Variants in KCNIP4 observed in about 807,000 individuals in gnomAD.
The protein encoded by KCNIP4 is Kv channel-interacting protein 4.
KCNIP4 carries 12 observed loss-of-function variants against 34.0 expected under a neutral mutation model. That is an observed-to-expected ratio of 0.35 (90% CI 0.23 to 0.57). The LOEUF (loss-of-function observed/expected upper bound fraction) is 0.57, where lower values mean the gene tolerates loss of function less well. Ranked by LOEUF, KCNIP4 falls within the 20% of genes least tolerant of loss-of-function variation. The pLI is 0.83. For missense variants in KCNIP4, 238 were observed against 311.7 expected, an observed-to-expected ratio of 0.76 and a Z score of 1.78; for synonymous variants, 124 against 102.2, an observed-to-expected ratio of 1.21 and a Z score of -1.29.
At chr4:21,397,777 C>T (rs1560366200) in intron 1 of KCNIP4, among the ~76,000 whole-genome samples, 1 of 152,112 alleles carries the variant, frequency 6.6e-6, no homozygotes, top group Admixed American at 6.6e-5. Context: ...GACTATAAGT[C>T]AATAAATAAG....
At chr4:20,969,681 A>G (rs991682128) in intron 1 of KCNIP4, among the ~76,000 whole-genome samples, 2 of 152,164 alleles carry the variant, frequency 1.3e-5, no homozygotes, top group Non-Finnish European at 2.9e-5. Flanking sequence ...CACACAGATA[A>G]TTCATTACAT....
At chr4:21,112,087 A>C (rs948596195) in intron 1 of KCNIP4, among the ~76,000 whole-genome samples, 1 of 151,724 alleles carries the variant, frequency 6.6e-6, no homozygotes, top group Non-Finnish European at 1.5e-5. Flanking sequence ...TATATCATCT[A>C]TCTATCTACC....
chr4:21,832,105 T>C (rs1277900699), intron 1 of KCNIP4, among the ~76,000 whole-genome samples: 2 of 152,146 alleles, frequency 1.3e-5, no homozygotes, highest in African/African-American at 4.8e-5. Context: ...TCAATAAATG[T>C]GATATACCAC....
chr4:20,731,217 G>A lies in KCNIP4; in HGVS notation c.705+789C>T, dbSNP rs117210520. 2.2e-3 allele frequency: 392 copies of A among 177,292 alleles called. 9 individuals carry two copies. In the South Asian group the frequency reaches 0.045, roughly 20 times the overall value. 11.0% of individuals were successfully genotyped at this position (177,292 alleles called of 1,614,324 possible). Reference sequence around the variant, plus strand: ...CCCAAGTAGCTGAGACTTCAGCCACGTGCCACCGTGCCCAGCTAACTTAAT... The same window carrying A: ...CCCAAGTAGCTGAGACTTCAGCCACATGCCACCGTGCCCAGCTAACTTAAT... On this transcript the variant is annotated intron_variant, in intron 8 of 8. Transcript: ENST00000382152.
At chr4:21,613,436 A>T (rs1744320574) in intron 1 of KCNIP4, 1 of 152,240 alleles carries the variant, frequency 6.6e-6, no homozygotes, top group Admixed American at 6.5e-5. Flanking sequence ...AACTGGCCAT[A>T]TAAATGAACT....
intron 1 of KCNIP4, among the ~76,000 whole-genome samples, chr4:21,701,782 C>A (rs1012225119): frequency 1.3e-5 from 2 of 152,030 alleles, no homozygotes; most frequent in African/African-American, 2.4e-5. Flanking sequence ...TGGCTCACTG[C>A]AACCTCTACC....
intron 1 of KCNIP4, among the ~76,000 whole-genome samples, chr4:21,742,745 G>T (rs193279588): frequency 6.6e-6 from 1 of 152,074 alleles, no homozygotes; most frequent in Admixed American, 6.6e-5. Flanking sequence ...CAGATGAGGA[G>T]GTAAGTTATA....
At chr4:21,721,803 G>C (rs1373027350) in intron 1 of KCNIP4, among the ~76,000 whole-genome samples, 2 of 152,086 alleles carry the variant, frequency 1.3e-5, no homozygotes, top group Non-Finnish European at 2.9e-5. Flanking sequence ...CATTCACATG[G>C]CTAACACAAT....
At chr4:20,925,233 A>G (rs1729785810) in intron 1 of KCNIP4, among the ~76,000 whole-genome samples, 1 of 152,166 alleles carries the variant, frequency 6.6e-6, no homozygotes, top group Non-Finnish European at 1.5e-5. Context: ...GGCTATTTGA[A>G]TCAGAGCAAC....
At chr4:20,951,211 A>G (rs1260375038) in intron 1 of KCNIP4, among the ~76,000 whole-genome samples, 1 of 152,126 alleles carries the variant, frequency 6.6e-6, no homozygotes, top group African/African-American at 2.4e-5. Context: ...GCCATCCAGG[A>G]AGAGAGCCCT....
chr4:21,073,910 T>C (rs1444962781), intron 1 of KCNIP4, among the ~76,000 whole-genome samples: 1 of 152,184 alleles, frequency 6.6e-6, no homozygotes. Context: ...GGTTTTTGTC[T>C]TTGGTTCTGT....
chr4:21,860,953 G>T (rs1194474202), intron 1 of KCNIP4, among the ~76,000 whole-genome samples: 1 of 152,098 alleles, frequency 6.6e-6, no homozygotes, highest in Non-Finnish European at 1.5e-5. Context: ...CCAGTCAACA[G>T]CCACTCCATT....
chr4:21,446,670 A>C (rs1431364950), intron 1 of KCNIP4, among the ~76,000 whole-genome samples: 3 of 151,382 alleles, frequency 2.0e-5, no homozygotes, highest in Non-Finnish European at 4.4e-5. Context: ...GATGTACCTA[A>C]TGTTAATGGG....
At chr4:21,430,833 C>T (rs1726377706) in intron 1 of KCNIP4, among the ~76,000 whole-genome samples, 1 of 139,028 alleles carries the variant, frequency 7.2e-6, no homozygotes, top group South Asian at 2.1e-4. Context: ...TTTTCACCCA[C>T]ACTATACTGC....
chr4:21,941,580 C>G (rs1024042066), intron 1 of KCNIP4, among the ~76,000 whole-genome samples: 3 of 151,520 alleles, frequency 2.0e-5, no homozygotes, highest in Admixed American at 6.6e-5. Context: ...TTTCCCTAAG[C>G]CAATACAAAT....
intron 1 of KCNIP4, among the ~76,000 whole-genome samples, chr4:21,720,530 C>CTTTTTTTTTTT (rs71191598): frequency 1.4e-5 from 2 of 140,332 alleles, no homozygotes; most frequent in Non-Finnish European, 3.1e-5. Context: ...TGTTTTTTTT[C>CTTTTTTTTTTT]TTTTTTTTTT....
At chr4:21,701,824 C>T (rs1224191285) in intron 1 of KCNIP4, among the ~76,000 whole-genome samples, 1 of 151,992 alleles carries the variant, frequency 6.6e-6, no homozygotes, top group Admixed American at 6.6e-5. Context: ...CTGCCTCAGC[C>T]TCCCGAGTAG....
chr4:21,647,977 C>A (rs1442354709), intron 1 of KCNIP4, among the ~76,000 whole-genome samples: 1 of 147,300 alleles, frequency 6.8e-6, no homozygotes, highest in South Asian at 2.2e-4. Flanking sequence ...GGGTTCACGC[C>A]ATTCTCCTGC....
intron 1 of KCNIP4, among the ~76,000 whole-genome samples, chr4:21,232,514 A>G (rs1758870966): frequency 6.6e-6 from 1 of 152,202 alleles, no homozygotes; most frequent in African/African-American, 2.4e-5. Flanking sequence ...TTTTACATAT[A>G]ATTCAATAAT....
Sources: allele counts gnomAD v4.1 joint callset (sites outside exome capture counted in the v4.1 genomes callset), GRCh38; gene constraint gnomAD v4.1.1; transcripts MANE v1.5; gene names NCBI Gene and HGNC (gene_info 2026-07-23, HGNC 2026-07-21).